Variants in XKR4 observed in about 807,000 individuals in gnomAD.
XKR4 encodes the protein XK-related protein 4.
XKR4 carries 12 observed loss-of-function variants against 53.9 expected under a neutral mutation model. That is an observed-to-expected ratio of 0.22 (90% CI 0.14 to 0.36). The LOEUF (loss-of-function observed/expected upper bound fraction) is 0.36, where lower values mean the gene tolerates loss of function less well. XKR4 is among the 10% of genes least tolerant of loss of function. The pLI is 1.00. For missense variants in XKR4, 799 were observed against 859.5 expected (o/e 0.93, Z 0.88); for synonymous variants, 354 against 362.4 (o/e 0.98, Z 0.26).
chr8:55,374,250 C>T (rs925203323), intron 2 of XKR4, among the ~76,000 whole-genome samples: 2 of 152,190 alleles, frequency 1.3e-5, no homozygotes, highest in African/African-American at 4.8e-5. Flanking sequence ...CCATGGCAGG[C>T]GCTGACTTGA....
chr8:55,216,486 GA>G (rs1256825172), intron 1 of XKR4, among the ~76,000 whole-genome samples: 1 of 152,214 alleles, frequency 6.6e-6, no homozygotes, highest in Non-Finnish European at 1.5e-5. Flanking sequence ...CCAGCACTTT[GA>G]GAGGCCAAGG....
intron 2 of XKR4, among the ~76,000 whole-genome samples, chr8:55,499,699 C>G (rs1159191615): frequency 6.6e-6 from 1 of 152,282 alleles, no homozygotes; most frequent in East Asian, 1.9e-4. Flanking sequence ...AGCAGCTTGG[C>G]AGAGAGAGCC....
chr8:55,352,257 A>G (rs1233617538), intron 1 of XKR4, among the ~76,000 whole-genome samples: 2 of 152,246 alleles, frequency 1.3e-5, no homozygotes, highest in Non-Finnish European at 2.9e-5. Flanking sequence ...CCAGCGTGAT[A>G]AGGAATGTGT....
chr8:55,522,044 G>T (rs375823064), intron 2 of XKR4, among the ~76,000 whole-genome samples: 1 of 152,166 alleles, frequency 6.6e-6, no homozygotes, highest in Admixed American at 6.5e-5. Flanking sequence ...AGCCAGCTGC[G>T]ATGCAGATTG....
At chr8:55,510,994 G>A (rs370390825) in intron 2 of XKR4, among the ~76,000 whole-genome samples, 1 of 152,190 alleles carries the variant, frequency 6.6e-6, no homozygotes, top group Non-Finnish European at 1.5e-5. Context: ...TGTCCTCAGG[G>A]TATTGAGTTG....
At chr8:55,509,630 G>A (rs567438604) in intron 2 of XKR4, among the ~76,000 whole-genome samples, 18 of 152,270 alleles carry the variant, frequency 1.2e-4, no homozygotes, top group Non-Finnish European at 2.5e-4. Flanking sequence ...TACATTAGCT[G>A]GTGAAAGGCT....
intron 1 of XKR4, among the ~76,000 whole-genome samples, chr8:55,249,161 A>C (rs1206193707): frequency 6.6e-6 from 1 of 152,188 alleles, no homozygotes; most frequent in Non-Finnish European, 1.5e-5. Context: ...CAACTTAAGC[A>C]AAAAAAGATC....
At chr8:55,505,154 G>T (rs1234429878) in intron 2 of XKR4, among the ~76,000 whole-genome samples, 1 of 151,880 alleles carries the variant, frequency 6.6e-6, no homozygotes, top group Non-Finnish European at 1.5e-5. Context: ...ATTGATTTGA[G>T]ACCTTATTTT....
intron 2 of XKR4, among the ~76,000 whole-genome samples, chr8:55,364,796 C>A (rs1302752582): frequency 6.6e-6 from 1 of 152,088 alleles, no homozygotes. Context: ...CCACGCCCGA[C>A]TAATTTTGTA....
chr8:55,160,240 A>G (rs1816965643), intron 1 of XKR4, among the ~76,000 whole-genome samples: 1 of 152,168 alleles, frequency 6.6e-6, no homozygotes, highest in Non-Finnish European at 1.5e-5. Context: ...CAGAAAGTTG[A>G]GTTTATTTAA....
At chr8:55,369,499 GA>G (rs1373414980) in intron 2 of XKR4, among the ~76,000 whole-genome samples, 9 of 110,776 alleles carry the variant, frequency 8.1e-5, no homozygotes, top group Non-Finnish European at 1.5e-4. Context: ...AGAAAGAAAA[GA>G]AAAGAAAGAA....
intron 2 of XKR4, among the ~76,000 whole-genome samples, chr8:55,363,358 G>C (rs970149362): frequency 2.0e-5 from 3 of 152,076 alleles, no homozygotes; most frequent in Admixed American, 6.5e-5. Context: ...TGAATACTTC[G>C]TGAAAGGAAA....
At chr8:55,212,979 A>G (rs973197985) in intron 1 of XKR4, among the ~76,000 whole-genome samples, 2 of 152,254 alleles carry the variant, frequency 1.3e-5, no homozygotes, top group Admixed American at 1.3e-4. Context: ...AGATAAAGGT[A>G]TTATTATCTT....
intron 2 of XKR4, among the ~76,000 whole-genome samples, chr8:55,383,176 G>A (rs1585548780): frequency 6.6e-6 from 1 of 152,270 alleles, no homozygotes; most frequent in South Asian, 2.1e-4. Context: ...TCTCGCCACT[G>A]CACTCCAGCC....
At chr8:55,205,277 T>C (rs1362274201) in intron 1 of XKR4, among the ~76,000 whole-genome samples, 4 of 152,268 alleles carry the variant, frequency 2.6e-5, no homozygotes, top group Non-Finnish European at 5.9e-5. Flanking sequence ...AACATGCACA[T>C]TGTACTTTCT....
At chr8:55,117,302 G>C (rs1816323669) in intron 1 of XKR4, among the ~76,000 whole-genome samples, 1 of 152,158 alleles carries the variant, frequency 6.6e-6, no homozygotes, top group African/African-American at 2.4e-5. Context: ...AAAGGGCAGT[G>C]AGTTATTTTG....
At chr8:55,261,844 G>A (rs923083400) in intron 1 of XKR4, among the ~76,000 whole-genome samples, 1 of 151,238 alleles carries the variant, frequency 6.6e-6, no homozygotes, top group Admixed American at 6.6e-5. Context: ...GTGATATTAA[G>A]TTCTCATCTA....
chr8:55,360,528 C>T (rs112430556), intron 2 of XKR4, among the ~76,000 whole-genome samples: 3 of 152,244 alleles, frequency 2.0e-5, no homozygotes, highest in Non-Finnish European at 1.5e-5. Context: ...TGTGAAAACA[C>T]AGCCCTCTGC....
rs79393273 is a variant in XKR4, at chr8:55,531,321, G to A, written c.*7094G>A. The A allele has an allele frequency of 6.6e-6, 1 of 152,092 alleles. No individual in the cohort carries two copies. Among genetic ancestry groups the A allele is most frequent in the East Asian group, 1.9e-4 (1 of 5,202 alleles). The allele number at this position is 152,092 out of a possible 1,614,324, so 9.4% of individuals were successfully genotyped here. ...TACTGTAGGCAACTGTAACACCATG[G>A]TAAGTACTTGTGTATTTAAATATAG... On this transcript the variant is annotated 3_prime_UTR_variant, in exon 3 of 3. Transcript: ENST00000327381.
Sources: gnomAD v4.1 joint callset for allele counts (sites outside exome capture counted in the v4.1 genomes callset) on GRCh38, gnomAD v4.1.1 for gene constraint, MANE v1.5 for transcripts, NCBI Gene and HGNC (gene_info 2026-07-23, HGNC 2026-07-21) for gene names.